AIG1: variants seen among roughly 807,000 people sequenced by gnomAD.
The protein encoded by AIG1 is androgen-induced gene 1 protein.
AIG1 carries 23 observed loss-of-function variants against 31.4 expected under a neutral mutation model. That is an observed-to-expected ratio of 0.73 (90% CI 0.53 to 1.04). The LOEUF is 1.04. Among genes scored for constraint, AIG1 ranks in the 50% least tolerant of loss-of-function variants. The pLI, the probability that AIG1 is intolerant of heterozygous loss-of-function variation, is 0.00. For missense variants in AIG1, 274 were observed against 295.0 expected (o/e 0.93, Z 0.52); for synonymous variants, 100 against 110.5 (o/e 0.90, Z 0.60).
At chr6:143,138,210 A>T (rs1783925787) in intron 2 of AIG1, among the ~76,000 whole-genome samples, 1 of 152,318 alleles carries the variant, frequency 6.6e-6, no homozygotes, top group African/African-American at 2.4e-5. Context: ...ATAAATGAGT[A>T]CTCAGATTGA....
chr6:143,188,582 G>GA, intron 3 of AIG1: 7 of 985,230 alleles, frequency 7.1e-6, no homozygotes, highest in Non-Finnish European at 8.4e-6. Flanking sequence ...AGATTTCAGG[G>GA]TACAAGTCAT....
chr6:143,195,770 G>A (rs1042733344), intron 3 of AIG1, among the ~76,000 whole-genome samples: 5 of 152,238 alleles, frequency 3.3e-5, no homozygotes, highest in South Asian at 2.1e-4. Flanking sequence ...CTGGGCACAC[G>A]GAGGTCTGAC....
intron 3 of AIG1, among the ~76,000 whole-genome samples, chr6:143,206,342 A>G (rs1264316268): frequency 6.6e-6 from 1 of 152,202 alleles, no homozygotes; most frequent in African/African-American, 2.4e-5. Context: ...CATTTTCTCT[A>G]TCACAAAAAT....
intron 2 of AIG1, among the ~76,000 whole-genome samples, chr6:143,142,822 A>T (rs1784358501): frequency 6.6e-6 from 1 of 152,224 alleles, no homozygotes; most frequent in Admixed American, 6.5e-5. Context: ...ACTGTATGGT[A>T]TCTGCTTCCT....
At position 143,192,151 on chromosome 6, in the gene AIG1, G is replaced by A. The variant is rs150373141; in HGVS notation, c.399+26968G>A. On this transcript the variant is annotated intron_variant, in intron 3 of 5. Transcript: ENST00000357847. ...AACAGATTTAATTTGAGGAGTCTGA[G>A]GATGTTCAAGACATCTAAGGTTGAT... Among the ~76,000 whole-genome samples, 538 of 152,292 alleles carry A rather than the reference G, an allele frequency of 3.5e-3. 6 individuals carry two copies. Among genetic ancestry groups the A allele is most frequent in the African/African-American group, 0.012 (506 of 41,560 alleles).
intron 3 of AIG1, among the ~76,000 whole-genome samples, chr6:143,180,615 G>A (rs546522931): frequency 1.2e-4 from 19 of 152,106 alleles, no homozygotes; most frequent in Non-Finnish European, 1.8e-4. Context: ...ATAGTGCCTC[G>A]GCTTACTGAA....
At position 143,269,161 on chromosome 6, in the gene AIG1, A is replaced by G. The variant is rs1003204371; in HGVS notation, c.400-14949A>G. Among the ~76,000 whole-genome samples the G allele has an allele frequency of 2.6e-5, 4 of 152,234 alleles. No individual in the cohort carries two copies. The East Asian group carries it at 7.7e-4, about 29-fold the overall frequency. On this transcript the variant is annotated intron_variant, in intron 3 of 5. Transcript: ENST00000357847. ...GAACACTTCCCTAATAAACTTCTGC[A>G]TGCTGATTTCCATCTCAGAATCTGC...
chr6:143,089,354 G>T (rs1474985987), intron 1 of AIG1, among the ~76,000 whole-genome samples: 1 of 152,114 alleles, frequency 6.6e-6, no homozygotes, highest in Admixed American at 6.5e-5. Flanking sequence ...ACTTGGGCTT[G>T]GGAGTTACAC....
At chr6:143,153,538 G>A (rs1785445237) in intron 2 of AIG1, among the ~76,000 whole-genome samples, 1 of 152,034 alleles carries the variant, frequency 6.6e-6, no homozygotes, top group African/African-American at 2.4e-5. Context: ...TAGTACAGAC[G>A]GGATTTCACC....
intron 2 of AIG1, among the ~76,000 whole-genome samples, chr6:143,144,497 G>A (rs1176442572): frequency 6.6e-6 from 1 of 152,206 alleles, no homozygotes; most frequent in Admixed American, 6.5e-5. Context: ...GTTAATTTAA[G>A]TGGGTGGGAG....
At position 143,279,360 on chromosome 6, in the gene AIG1, G is replaced by T. The variant is rs1262871246; in HGVS notation, c.400-4750G>T. Among the ~76,000 whole-genome samples the T allele has an allele frequency of 1.3e-5, 2 of 152,196 alleles. No individual in the cohort carries two copies. The highest frequency in any genetic ancestry group is 4.8e-5 in the African/African-American group (2 of 41,444). ...GAATAATACTAAGCTTCACACATGTGTGAGAACCTGCGGGTCTGAGAGTGA... is the reference window on the plus strand; with the variant it reads ...GAATAATACTAAGCTTCACACATGTTTGAGAACCTGCGGGTCTGAGAGTGA... On this transcript the variant is annotated intron_variant, in intron 3 of 5. Transcript: ENST00000357847. This position sits in a 1 kb window ranked among gnomAD's most constrained non-coding sequence, Gnocchi z 5.4.
In AIG1 at chr6:143,170,239, T is replaced by G. The variant is rs542538018; in HGVS notation, c.399+5056T>G. 3.9e-5 allele frequency among the ~76,000 whole-genome samples: 6 copies of G among 152,240 alleles called. No individual in the cohort carries two copies. The East Asian group carries it at 1.2e-3, about 29-fold the overall frequency. On this transcript the variant is annotated intron_variant, in intron 3 of 5. Transcript: ENST00000357847. Reference sequence around the variant, plus strand: ...CCTGGGCTTTACATTGTTCGGATACTTTTTATTACTTATTCAATCTCATTG... The same window carrying G: ...CCTGGGCTTTACATTGTTCGGATACGTTTTATTACTTATTCAATCTCATTG...
At chr6:143,069,749 CTG>C (rs964522165) in intron 1 of AIG1, among the ~76,000 whole-genome samples, 3 of 152,066 alleles carry the variant, frequency 2.0e-5, no homozygotes, top group Admixed American at 2.0e-4. Flanking sequence ...TTCTTCCTGT[CTG>C]TAGTTTATTT....
chr6:143,111,444 T>C (rs1781270405), intron 1 of AIG1, among the ~76,000 whole-genome samples: 1 of 152,228 alleles, frequency 6.6e-6, no homozygotes, highest in Non-Finnish European at 1.5e-5. Flanking sequence ...CCTTCCTACC[T>C]CTCTGACTCT....
chr6:143,144,193 C>G (rs1784524994), intron 2 of AIG1, among the ~76,000 whole-genome samples: 1 of 152,152 alleles, frequency 6.6e-6, no homozygotes, highest in South Asian at 2.1e-4. Flanking sequence ...CATAGATGCC[C>G]ACTTTAAAAT....
intron 4 of AIG1, among the ~76,000 whole-genome samples, chr6:143,320,043 T>G (rs1202510411): frequency 2.6e-5 from 4 of 151,744 alleles, no homozygotes. Context: ...AAAAATAACC[T>G]GATCAAAAAA....
Position 143,258,974 on chromosome 6 carries a change from C to T in AIG1, c.400-25136C>T, listed in dbSNP as rs11155285. Among the ~76,000 whole-genome samples the T allele has an allele frequency of 0.24, 36,031 of 152,136 alleles. 5,621 individuals carry two copies. The highest frequency in any genetic ancestry group is 0.71 in the East Asian group (3,664 of 5,162). On this transcript the variant is annotated intron_variant, in intron 3 of 5. Transcript: ENST00000357847. This position sits in a 1 kb window ranked among gnomAD's most constrained non-coding sequence, Gnocchi z 4.7. ...GAGGTCAACAGAGACCTTGGCAAAACCATTTCCAGCAGATGATGGGGGCAG... is the reference window on the plus strand; with the variant it reads ...GAGGTCAACAGAGACCTTGGCAAAATCATTTCCAGCAGATGATGGGGGCAG...
intron 1 of AIG1, among the ~76,000 whole-genome samples, chr6:143,080,820 G>A (rs184835869): frequency 3.8e-4 from 58 of 152,198 alleles, no homozygotes; most frequent in African/African-American, 1.3e-3. Context: ...CTCCACTCCA[G>A]CCACTTAACT....
intron 3 of AIG1, among the ~76,000 whole-genome samples, chr6:143,226,139 T>C (rs953844805): frequency 6.6e-6 from 1 of 152,192 alleles, no homozygotes. Context: ...ATTTATCCAC[T>C]TGTTTGTCTT....
Sources: allele counts gnomAD v4.1 joint callset (sites outside exome capture counted in the v4.1 genomes callset), GRCh38; gene constraint gnomAD v4.1.1; non-coding constraint Gnocchi (gnomAD v3.1); transcripts MANE v1.5; gene names NCBI Gene and HGNC (gene_info 2026-07-23, HGNC 2026-07-21).